Variants in SNX29 observed in about 807,000 individuals in gnomAD.
SNX29 encodes the protein sorting nexin-29.
In SNX29, 78 loss-of-function variants were observed where a neutral mutation model predicts 102.1. The ratio of observed to expected loss-of-function variants is 0.76; its 90% CI spans 0.64 to 0.92. The LOEUF (loss-of-function observed/expected upper bound fraction) is 0.92. Ranked by LOEUF, SNX29 falls within the 40% of genes least tolerant of loss-of-function variation. The probability of loss-of-function intolerance (pLI) is 0.00; values close to 1 mark genes in which losing one functional copy is unlikely to be tolerated. For synonymous variants in SNX29, 580 were observed against 414.5 expected, an observed-to-expected ratio of 1.40 and a Z score of -4.85; for missense variants, 1,280 against 1,061.7, an observed-to-expected ratio of 1.21 and a Z score of -2.86.
In SNX29 at chr16:12,263,415, A is replaced by C. The variant is rs375401695; in HGVS notation, c.1679-14518A>C. ...AGTGCTGGAATTACAGGTGTGAGCC[A>C]CCGTGCCTGGCCCCAACATCTTGAA... is the stretch of plus-strand genomic sequence containing the variant. On this transcript the variant is annotated intron_variant, in intron 14 of 20. Coordinates refer to ENST00000566228, the MANE Select transcript of SNX29 (RefSeq NM_032167.5). Among the ~76,000 whole-genome samples, 12 of 152,332 alleles carry C rather than the reference A, an allele frequency of 7.9e-5. 1 individual carries two copies. The South Asian group carries it at 2.3e-3, about 29-fold the overall frequency.
chr16:12,554,235 C>T (rs574572504), intron 20 of SNX29, among the ~76,000 whole-genome samples: 5 of 152,338 alleles, frequency 3.3e-5, no homozygotes. Flanking sequence ...GTGAACATCT[C>T]CCTCGGCTGC....
chr16:12,208,077 G>C lies in SNX29; in HGVS notation c.1678+8394G>C, dbSNP rs184023455. ...GAGCATTCCCTGAGAAGGGAAACAA[G>C]TTTGGGGAAGCAACATTCCATACCA... On this transcript the variant is annotated intron_variant, in intron 14 of 20. Transcript: ENST00000566228. 3.3e-4 allele frequency among the ~76,000 whole-genome samples: 51 copies of C among 152,346 alleles called. 2 individuals carry two copies. The East Asian group carries it at 9.2e-3, about 28-fold the overall frequency.
chr16:12,230,541 C>T (rs1596568938), intron 14 of SNX29, among the ~76,000 whole-genome samples: 1 of 152,254 alleles, frequency 6.6e-6, no homozygotes, highest in African/African-American at 2.4e-5. Flanking sequence ...ACTGGAAGGG[C>T]CTGTTCAACA....
At chr16:12,519,302 T>C (rs937552710) in intron 19 of SNX29, among the ~76,000 whole-genome samples, 1 of 152,204 alleles carries the variant, frequency 6.6e-6, no homozygotes, top group East Asian at 1.9e-4. Flanking sequence ...ACCCAGGTGA[T>C]CGCAGGGGGA....
In SNX29 at chr16:11,988,201, G is replaced by A. The variant is rs545884419; in HGVS notation, c.8-11096G>A. On this transcript the variant is annotated intron_variant, in intron 1 of 20. Coordinates refer to ENST00000566228, the MANE Select transcript of SNX29 (RefSeq NM_032167.5). The stretch of plus-strand genomic sequence containing the variant: ...CCCAGCTACTCAGGAGGCTGAGGCA[G>A]GAGAATCACTTGAACCCGGGAGGCA... Among the ~76,000 whole-genome samples, 5 of 151,810 alleles carry A rather than the reference G, an allele frequency of 3.3e-5. No individual in the cohort carries two copies. In the South Asian group the frequency reaches 1.0e-3, roughly 32 times the overall value.
intron 15 of SNX29, among the ~76,000 whole-genome samples, chr16:12,325,099 C>G (rs770181882): frequency 7.2e-5 from 11 of 152,132 alleles, no homozygotes; most frequent in Non-Finnish European, 1.5e-4. Flanking sequence ...CTTTCCTTTG[C>G]AAAATTTTGC....
chr16:12,035,321 C>T (rs2057444708), intron 4 of SNX29, among the ~76,000 whole-genome samples: 1 of 151,826 alleles, frequency 6.6e-6, no homozygotes, highest in African/African-American at 2.4e-5. Flanking sequence ...AAGCGATCCT[C>T]CTACTTCGGC....
chr16:12,364,477 A>T (rs1264177951), intron 16 of SNX29, among the ~76,000 whole-genome samples: 2 of 146,756 alleles, frequency 1.4e-5, no homozygotes, highest in Non-Finnish European at 3.0e-5. Flanking sequence ...CCCCTTTGGT[A>T]TAAGATGTGA....
At chr16:12,280,009 C>T (rs781235755) in intron 15 of SNX29, among the ~76,000 whole-genome samples, 1 of 152,140 alleles carries the variant, frequency 6.6e-6, no homozygotes, top group Non-Finnish European at 1.5e-5. Context: ...GGAGATTCTC[C>T]ACCTGTGGGG....
chr16:12,516,643 G>C (rs1050882379), intron 19 of SNX29, among the ~76,000 whole-genome samples: 5 of 152,154 alleles, frequency 3.3e-5, no homozygotes, highest in African/African-American at 1.2e-4. Flanking sequence ...GGGCTGAGCT[G>C]CCTGCTACTC....
chr16:12,119,126 G>A (rs1004203010), intron 11 of SNX29, among the ~76,000 whole-genome samples: 1 of 152,208 alleles, frequency 6.6e-6, no homozygotes. Context: ...GTGTAAAAAT[G>A]TGACTCCTGG....
chr16:12,388,434 A>G (rs1171736792), intron 16 of SNX29, among the ~76,000 whole-genome samples: 1 of 152,230 alleles, frequency 6.6e-6, no homozygotes, highest in Non-Finnish European at 1.5e-5. Flanking sequence ...CATTTTATAA[A>G]GCTATGGAGA....
Position 12,572,254 on chromosome 16 carries a change from C to T in SNX29, c.*3625C>T, listed in dbSNP as rs947828020. ...GTCGTTTACACCAGGTGGATTGATACCATGGCTGTAGCTGATGCAACTAAC... is the reference window on the plus strand; with the variant it reads ...GTCGTTTACACCAGGTGGATTGATATCATGGCTGTAGCTGATGCAACTAAC... On this transcript the variant is annotated 3_prime_UTR_variant, in exon 21 of 21. Transcript: ENST00000566228. 3 of 1,053,728 alleles carry T rather than the reference C, an allele frequency of 2.8e-6. No homozygotes were observed. The highest frequency in any genetic ancestry group is 3.3e-5 in the African/African-American group (2 of 60,826). The allele number at this position is 1,053,728 out of a possible 1,614,324, so 65.3% of individuals were successfully genotyped here.
chr16:12,541,418 C>G (rs962974613), intron 20 of SNX29, among the ~76,000 whole-genome samples: 4 of 152,152 alleles, frequency 2.6e-5, no homozygotes, highest in African/African-American at 9.7e-5. Context: ...GAAACTGAGG[C>G]TCATGGAAGG....
intron 18 of SNX29, among the ~76,000 whole-genome samples, chr16:12,436,946 C>T (rs2085566826): frequency 6.6e-6 from 1 of 152,236 alleles, no homozygotes; most frequent in Non-Finnish European, 1.5e-5. Flanking sequence ...AGCCACCACG[C>T]CCGGCCTCTT....
intron 20 of SNX29, among the ~76,000 whole-genome samples, chr16:12,529,038 G>A (rs1385179948): frequency 1.3e-5 from 2 of 152,184 alleles, no homozygotes; most frequent in Non-Finnish European, 2.9e-5. Context: ...TCTGTAAGAG[G>A]CATCATGACT....
chr16:12,459,236 C>T (rs2086672533), intron 18 of SNX29, among the ~76,000 whole-genome samples: 2 of 150,254 alleles, frequency 1.3e-5, no homozygotes, highest in South Asian at 4.3e-4. Flanking sequence ...GTAGGTTCCT[C>T]TCCTGTGGGG....
chr16:12,568,575 C>T lies in SNX29; in HGVS notation c.2388C>T (p.Ser796=), dbSNP rs754154137. Residue 796 remains serine (S), a synonymous_variant, in exon 21 of 21, where the codon TCC becomes TCT. Transcript: ENST00000566228. ...PKAASRFPKL[S]RGQPRETRNV... ...CAGCTTCCCGCTTCCCCAAACTGTC[C>T]CGGGGTCAGCCCCGGGAGACCCGCA... The T allele has an allele frequency of 4.4e-6, 7 of 1,607,772 alleles. No homozygotes were observed. Among genetic ancestry groups the T allele is most frequent in the Admixed American group, 3.3e-5 (2 of 60,028 alleles).
intron 18 of SNX29, among the ~76,000 whole-genome samples, chr16:12,443,747 G>A (rs1199136366): frequency 1.3e-5 from 2 of 152,236 alleles, no homozygotes; most frequent in African/African-American, 4.8e-5. Flanking sequence ...CACCGCACCC[G>A]GCCAAGCACG....
Sources: gnomAD v4.1 joint callset for allele counts (sites outside exome capture counted in the v4.1 genomes callset) on GRCh38, gnomAD v4.1.1 for gene constraint, MANE v1.5 for transcripts, NCBI Gene and HGNC (gene_info 2026-07-23, HGNC 2026-07-21) for gene names.